MAP4K3: variants seen among roughly 807,000 people sequenced by gnomAD.
MAP4K3 encodes the protein MAPK/ERK kinase kinase kinase 3.
MAP4K3 carries 94 observed loss-of-function variants against 143.5 expected under a neutral mutation model. The ratio of observed to expected loss-of-function variants is 0.65; its 90% confidence interval spans 0.55 to 0.78. MAP4K3 has a LOEUF of 0.78. MAP4K3 is among the 30% of genes least tolerant of loss of function. The probability of loss-of-function intolerance (pLI) is 0.00; values close to 1 mark genes in which losing one functional copy is unlikely to be tolerated. For synonymous variants in MAP4K3, 416 were observed against 347.2 expected, an observed-to-expected ratio of 1.20 and a Z score of -2.20; for missense variants, 1,077 against 1,068.1, an observed-to-expected ratio of 1.01 and a Z score of -0.12.
chr2:39,412,248 CAGG>C (rs896242019), intron 1 of MAP4K3, among the ~76,000 whole-genome samples: 2 of 152,202 alleles, frequency 1.3e-5, no homozygotes, highest in Non-Finnish European at 2.9e-5. Context: ...ATTGGATCTA[CAGG>C]AGATCGCGCC....
chr2:39,383,985 C>T lies in MAP4K3; in HGVS notation c.97-5862G>A, dbSNP rs1666420241. Among the ~76,000 whole-genome samples, 8 of 151,664 alleles carry T rather than the reference C, an allele frequency of 5.3e-5. No individual in the cohort carries two copies. In the South Asian group the frequency reaches 1.7e-3, roughly 32 times the overall value. On this transcript the variant is annotated intron_variant, in intron 1 of 33. Coordinates refer to ENST00000263881, the MANE Select transcript of MAP4K3 (RefSeq NM_003618.4). Reference sequence around the variant, plus strand: ...CTGGGCTTGGTCTTGGTAGCATGTGCCTATAGTCCCAGTTACCCAAGAGGC... The same window carrying T: ...CTGGGCTTGGTCTTGGTAGCATGTGTCTATAGTCCCAGTTACCCAAGAGGC...
At chr2:39,399,917 G>A (rs1666908135) in intron 1 of MAP4K3, among the ~76,000 whole-genome samples, 1 of 152,094 alleles carries the variant, frequency 6.6e-6, no homozygotes. Flanking sequence ...TTAAAAAGAG[G>A]ATATTTTATA....
intron 27 of MAP4K3, 75 bp from the exon 28 acceptor site, chr2:39,265,381 A>G: frequency 2.2e-6 from 2 of 916,326 alleles, no homozygotes; most frequent in East Asian, 4.8e-5. Context: ...GCTCAAAAAA[A>G]CAAACAAAAC....
chr2:39,436,802 C>T, intron 1 of MAP4K3, 90 bp downstream of exon 1: 1 of 1,134,592 alleles, frequency 8.8e-7, no homozygotes, highest in Non-Finnish European at 1.3e-6. Context: ...GCCAGCGTCT[C>T]CCGAGGACAG....
intron 1 of MAP4K3, among the ~76,000 whole-genome samples, chr2:39,391,779 C>T (rs1666668017): frequency 6.6e-6 from 1 of 152,064 alleles, no homozygotes; most frequent in Admixed American, 6.5e-5. Flanking sequence ...TGTAAACACT[C>T]CCACCAAGGC....
intron 1 of MAP4K3, among the ~76,000 whole-genome samples, chr2:39,396,599 A>T (rs1171180852): frequency 6.6e-6 from 1 of 150,846 alleles, no homozygotes; most frequent in Admixed American, 6.6e-5. Flanking sequence ...TCAGCCTCCC[A>T]AGTAGCTGGG....
chr2:39,430,555 A>G (rs78151570), intron 1 of MAP4K3, among the ~76,000 whole-genome samples: 7,068 of 152,266 alleles, frequency 0.046, 191 homozygotes, highest in African/African-American at 0.054. Flanking sequence ...ACATGATTTC[A>G]TCTCTTGAAT....
chr2:39,277,562 C>A (rs1681322863), intron 24 of MAP4K3, among the ~76,000 whole-genome samples: 2 of 152,046 alleles, frequency 1.3e-5, no homozygotes, highest in South Asian at 4.2e-4. Context: ...TTAGAACATG[C>A]TCCAGAAGGT....
intron 2 of MAP4K3, among the ~76,000 whole-genome samples, chr2:39,370,255 G>A (rs1377526516): frequency 1.3e-5 from 2 of 152,138 alleles, no homozygotes; most frequent in Non-Finnish European, 2.9e-5. Context: ...ATAAATTTAA[G>A]AGTGACTAAG....
chr2:39,295,947 G>C (rs895889916), intron 16 of MAP4K3, among the ~76,000 whole-genome samples: 4 of 151,996 alleles, frequency 2.6e-5, no homozygotes, highest in Non-Finnish European at 5.9e-5. Flanking sequence ...TTGAACTCCC[G>C]GCCTCAAGTG....
Position 39,336,964 on chromosome 2 carries a change from A to G in MAP4K3, c.370T>C (p.Leu124=). ...AYVSRETLQG[L]YYLHSKGKMH... ...TTTCCTTTACTGTGAAGATAATATA[A>G]TCCCTGGAGTTTCAAAAAACAGAAA... Residue 124 remains leucine (L), a synonymous_variant, in exon 6 of 34, where the codon TTA becomes CTA. Transcript: ENST00000263881. 1 of 1,346,322 alleles carries G rather than the reference A, an allele frequency of 7.4e-7. No homozygotes were observed. Among genetic ancestry groups the G allele is most frequent in the South Asian group, 1.3e-5 (1 of 77,014 alleles). The allele number at this position is 1,346,322 out of a possible 1,614,324, so 83.4% of individuals were successfully genotyped here. A position where few individuals can be genotyped will look rare whatever the true frequency, so the allele number is the denominator to read the frequency against.
At position 39,294,558 on chromosome 2, in the gene MAP4K3, C is replaced by T. The variant is rs958812217; in HGVS notation, c.1179-1290G>A. Among the ~76,000 whole-genome samples, 19 of 152,316 alleles carry T rather than the reference C, an allele frequency of 1.2e-4. No homozygotes were observed. In the South Asian group the frequency reaches 1.7e-3, roughly 13 times the overall value. On this transcript the variant is annotated intron_variant, in intron 16 of 33. Coordinates refer to ENST00000263881, the MANE Select transcript of MAP4K3 (RefSeq NM_003618.4). ...ATGCAGACAGGCTTTAAAGCCAAGA[C>T]GGCCTGAATCTGAATCCTGCCTTCA...
intron 15 of MAP4K3, among the ~76,000 whole-genome samples, chr2:39,304,189 A>G (rs998913334): frequency 3.3e-5 from 5 of 152,084 alleles, no homozygotes; most frequent in South Asian, 2.1e-4. Context: ...GGATAGCACA[A>G]AAGTTTAAAT....
intron 18 of MAP4K3, 117 bp downstream of exon 18, chr2:39,292,645 AAACTGAGATAC>A (rs1682096669): frequency 2.6e-6 from 2 of 771,782 alleles, no homozygotes; most frequent in Admixed American, 4.2e-5. Context: ...AAAAGGAAGG[AAACTGAGATAC>A]AACCCATGAT....
At chr2:39,343,911 C>T (rs949889642) in intron 3 of MAP4K3, among the ~76,000 whole-genome samples, 1 of 152,194 alleles carries the variant, frequency 6.6e-6, no homozygotes, top group Non-Finnish European at 1.5e-5. Flanking sequence ...TTATCACTCA[C>T]TTCTCTTTAG....
intron 3 of MAP4K3, among the ~76,000 whole-genome samples, chr2:39,354,399 C>T (rs1370575370): frequency 4.6e-5 from 7 of 152,010 alleles, no homozygotes; most frequent in East Asian, 1.9e-4. Context: ...GCTGAGATCG[C>T]GCCACTGCAC....
At chr2:39,276,682 C>T (rs914196062) in intron 24 of MAP4K3, among the ~76,000 whole-genome samples, 1 of 152,230 alleles carries the variant, frequency 6.6e-6, no homozygotes, top group Non-Finnish European at 1.5e-5. Context: ...TTTAAAAACA[C>T]TGCGTGGACA....
chr2:39,267,873 C>T (rs1450615134), intron 26 of MAP4K3, among the ~76,000 whole-genome samples: 1 of 151,936 alleles, frequency 6.6e-6, no homozygotes, highest in African/African-American at 2.4e-5. Context: ...GGCTTTTTTG[C>T]CCCCACTGAT....
At chr2:39,404,553 C>T (rs1226253056) in intron 1 of MAP4K3, among the ~76,000 whole-genome samples, 1 of 151,066 alleles carries the variant, frequency 6.6e-6, no homozygotes, top group Admixed American at 6.6e-5. Context: ...AGTACCAGCT[C>T]AGCCACAGTA....
Sources: allele counts gnomAD v4.1 joint callset (sites outside exome capture counted in the v4.1 genomes callset), GRCh38; gene constraint gnomAD v4.1.1; transcripts MANE v1.5; gene names NCBI Gene and HGNC (gene_info 2026-07-23, HGNC 2026-07-21).